ZMYM3: variants seen among roughly 807,000 people sequenced by gnomAD.
The protein encoded by ZMYM3 is zinc finger MYM-type protein 3.
In ZMYM3, 6 loss-of-function variants were observed where a neutral mutation model predicts 94.2. The ratio of observed to expected loss-of-function variants is 0.06; its 90% CI spans 0.03 to 0.13. The LOEUF is 0.13. Among genes scored for constraint, ZMYM3 ranks in the 10% least tolerant of loss-of-function variants. The probability of loss-of-function intolerance (pLI) is 1.00; values close to 1 mark genes in which losing one functional copy is unlikely to be tolerated. For synonymous variants in ZMYM3, 420 were observed against 426.5 expected, an observed-to-expected ratio of 0.98 and a Z score of 0.19; for missense variants, 664 against 1,132.6, an observed-to-expected ratio of 0.59 and a Z score of 5.94.
At chrX:71,248,110 A>C (rs1274000343) in intron 11 of ZMYM3, 52 bp downstream of exon 11, 1 of 1,198,826 alleles carries the variant, frequency 8.3e-7, no homozygotes, top group East Asian at 3.0e-5. Context: ...CTTCTCCTCC[A>C]TTCTCCCTGG....
chrX:71,245,127 T>TAAAAAAAAAAAAA (rs5902685), intron 18 of ZMYM3, among the ~76,000 whole-genome samples: 5 of 42,622 alleles, frequency 1.2e-4, no homozygotes, highest in Non-Finnish European at 1.8e-4. Context: ...GCTTAAAAAT[T>TAAAAAAAAAAAAA]AAAAAAAAAA....
intron 19 of ZMYM3, 22 bp from the exon 20 acceptor site, chrX:71,244,492 G>C (rs199974721): frequency 1.1e-5 from 13 of 1,206,068 alleles, no homozygotes; most frequent in Non-Finnish European, 1.5e-5. Flanking sequence ...GAGAAAGCAG[G>C]GGCATGGCAG....
In ZMYM3 at chrX:71,253,101, G is replaced by A; in HGVS notation, c.155C>T (p.Pro52Leu). 8.3e-7 allele frequency: 1 copy of A among 1,203,127 alleles called. No homozygotes were observed. The highest frequency in any genetic ancestry group is 1.1e-6 in the Non-Finnish European group (1 of 891,021). The stretch of plus-strand genomic sequence containing the variant: ...AAGCAGGTCCAGGGCTCCCGAGGAT[G>A]GAGAAGGGCCAGGGGGGGCCCATCC... ...TRGWAPPGPS[P>L]SSGALDLLDT... The change falls in exon 2 of 25, where the codon CCA becomes CTA. Residue 52 changes from proline to leucine, a missense_variant. By Grantham distance (98) the Pro-to-Leu change is moderately conservative. Around this residue, in one of 9 missense-constraint regions of ZMYM3, gnomAD observed 196 missense variants for 190.8 expected, o/e 1.03. Transcript: ENST00000314425.
chrX:71,240,319 G>C lies in ZMYM3; in HGVS notation c.*597C>G, dbSNP rs1435704461. ...GATTGGTGCTTGCCGAGGGGGTGAGGGATATGCGGTGGTGAGATGGTGCCA... is the reference window on the plus strand; with the variant it reads ...GATTGGTGCTTGCCGAGGGGGTGAGCGATATGCGGTGGTGAGATGGTGCCA... On this transcript the variant is annotated 3_prime_UTR_variant, in exon 25 of 25. Coordinates refer to ENST00000314425, the MANE Select transcript of ZMYM3 (RefSeq NM_201599.3). The C allele has an allele frequency of 1.8e-5, 2 of 111,999 alleles. No homozygotes were observed. The highest frequency in any genetic ancestry group is 3.8e-5 in the Non-Finnish European group (2 of 53,090). 9.2% of individuals were successfully genotyped at this position (111,999 alleles called of 1,213,427 possible). A position where few individuals can be genotyped will look rare whatever the true frequency, so the allele number is the denominator to read the frequency against.
At chrX:71,251,510 C>A (rs776430775) in intron 3 of ZMYM3, 48 bp downstream of exon 3, 2 of 1,163,641 alleles carry the variant, frequency 1.7e-6, no homozygotes, top group Non-Finnish European at 2.3e-6. Context: ...GTCTGTCCTT[C>A]CCAGAGCTAA....
Position 71,250,448 on chromosome X carries a change from A to C in ZMYM3, c.1057T>G (p.Cys353Gly), listed in dbSNP as rs774247676. 1 of 1,209,741 alleles carries C rather than the reference A, an allele frequency of 8.3e-7. No individual in the cohort carries two copies. The highest frequency in any genetic ancestry group is 1.1e-6 in the Non-Finnish European group (1 of 894,467). The change falls in exon 5 of 25, where the codon TGT becomes GGT. Residue 353 changes from cysteine (C) to glycine (G), a missense_variant. By Grantham distance (159) the Cys-to-Gly change is radical. This residue lies in a region of ZMYM3 where 51 missense variants were observed against 53.0 expected (regional missense o/e 0.96). Coordinates refer to ENST00000314425, the MANE Select transcript of ZMYM3 (RefSeq NM_201599.3). ...CTCACGCACTTCTTGCAGAAGGTAC[A>C]GGTCTTTTTGCCCGAGGGCTTCTTG... is the stretch of plus-strand genomic sequence containing the variant. ...FSKKPSGKKT[C>G]TFCKKEIWNT...
upstream of ZMYM3, chrX:71,255,152 ATC>A (rs907425899): frequency 1.7e-4 from 3 of 17,177 alleles, no homozygotes; most frequent in Non-Finnish European, 1.2e-4. Flanking sequence ...CTCTCTCTGT[ATC>A]TCTCTCTCTC....
chrX:71,249,487 T>C lies in ZMYM3; in HGVS notation c.1444A>G (p.Thr482Ala). 8.3e-7 allele frequency: 1 copy of C among 1,198,619 alleles called. No individual in the cohort carries two copies. Among genetic ancestry groups the C allele is most frequent in the Non-Finnish European group, 1.1e-6 (1 of 888,495 alleles). ...TTCTTGTACGCCCCCAAGCAGGTTGTGTTGCAGAACCGCTTTTGTTGGCCC... is the reference window on the plus strand; with the variant it reads ...TTCTTGTACGCCCCCAAGCAGGTTGCGTTGCAGAACCGCTTTTGTTGGCCC... ...HEGQQKRFCN[T>A]TCLGAYKKKN... is the part of the protein sequence containing the mutation. The change falls in exon 7 of 25, where the codon ACA becomes GCA. Residue 482 changes from threonine (T) to alanine (A), a missense_variant. Thr to Ala is a moderately conservative substitution (Grantham distance 58, BLOSUM62 0). This residue lies in a region of ZMYM3 where 159 missense variants were observed against 313.0 expected (regional missense o/e 0.51). Transcript: ENST00000314425.
chrX:71,253,868 T>C (rs2030634049), intron 1 of ZMYM3, among the ~76,000 whole-genome samples, 161 bp downstream of exon 1: 1 of 83,272 alleles, frequency 1.2e-5, no homozygotes, highest in South Asian at 7.6e-4. Flanking sequence ...CCATTGCTCC[T>C]CCAGTCCTCC....
intron 23 of ZMYM3, among the ~76,000 whole-genome samples, chrX:71,241,884 T>C (rs1304771414): frequency 5.4e-5 from 6 of 111,355 alleles, no homozygotes; most frequent in Admixed American, 2.9e-4. Context: ...ACACACCCAA[T>C]GGTTTCCTAC....
chrX:71,252,660 A>C lies in ZMYM3; in HGVS notation c.596T>G (p.Leu199Arg). ...APPSPSVGET[L>R]GDGINSSQTK... ...CTGAGAACTGTTGATTCCATCCCCC[A>C]GAGTCTCTCCCACTGAAGGGCTAGG... The change falls in exon 2 of 25, where the codon CTG becomes CGG. Residue 199 changes from leucine to arginine, a missense_variant. This residue lies in a region of ZMYM3 where 196 missense variants were observed against 190.8 expected (regional missense o/e 1.03). Coordinates refer to ENST00000314425, the MANE Select transcript of ZMYM3 (RefSeq NM_201599.3). 1.7e-6 allele frequency: 2 copies of C among 1,172,128 alleles called. No homozygotes were observed. Among genetic ancestry groups the C allele is most frequent in the East Asian group, 3.0e-5 (1 of 33,573 alleles).
At chrX:71,251,717 C>T in intron 2 of ZMYM3, 116 bp from the exon 3 acceptor site, 1 of 1,070,371 alleles carries the variant, frequency 9.3e-7, no homozygotes, top group Non-Finnish European at 1.2e-6. Context: ...AAAGGGAAAA[C>T]TCGAGTGCCT....
rs1211188120 is a variant in ZMYM3, at chrX:71,242,255, C to T, written c.3717G>A (p.Gln1239=). 2 of 1,209,858 alleles carry T rather than the reference C, an allele frequency of 1.7e-6. No individual in the cohort carries two copies. The highest frequency in any genetic ancestry group is 3.5e-5 in the South Asian group (2 of 56,442). Residue 1239 remains glutamine, a synonymous_variant, in exon 23 of 25, where the codon CAG becomes CAA. Transcript: ENST00000314425. ...MQLSFTNVVR[Q]SRKCTTPRGT... is the part of the protein sequence containing the mutation. ...CCCGAGGGGTGGTACACTTGCGGGA[C>T]TGCCGCACCACATTGGTGAAGGAGA...
intron 22 of ZMYM3, 54 bp downstream of exon 22, chrX:71,242,916 T>C (rs1019257828): frequency 6.4e-6 from 7 of 1,088,955 alleles, no homozygotes; most frequent in Non-Finnish European, 8.9e-6. Context: ...CTCGGGATGG[T>C]GGATTGGAAG....
intron 8 of ZMYM3, 43 bp from the exon 9 acceptor site, chrX:71,248,844 G>C (rs2030311482): frequency 1.8e-6 from 2 of 1,107,204 alleles, no homozygotes; most frequent in Non-Finnish European, 2.4e-6. Flanking sequence ...GAGAAAGAGA[G>C]AGGGAGAGAG....
At chrX:71,244,622 T>C in intron 19 of ZMYM3, 152 bp from the exon 20 acceptor site, 1 of 833,917 alleles carries the variant, frequency 1.2e-6, no homozygotes, top group East Asian at 3.4e-5. Flanking sequence ...ACAGCTTTGA[T>C]GACCTTGTGA....
At chrX:71,245,278 C>T in intron 18 of ZMYM3, 61 bp downstream of exon 18, 1 of 1,178,531 alleles carries the variant, frequency 8.5e-7, no homozygotes, top group Non-Finnish European at 1.1e-6. Context: ...ACAAGGGACA[C>T]TCCCTTCCTG....
At position 71,245,781 on chromosome X, in the gene ZMYM3, A is replaced by G; in HGVS notation, c.2747T>C (p.Ile916Thr). 1 of 1,211,438 alleles carries G rather than the reference A, an allele frequency of 8.3e-7. No individual in the cohort carries two copies. Among genetic ancestry groups the G allele is most frequent in the Non-Finnish European group, 1.1e-6 (1 of 895,469 alleles). ...LESTDKIVET[I>T]EELKVKIPSN... The stretch of plus-strand genomic sequence containing the variant: ...AGGGATCTTCACCTTCAGCTCCTCA[A>G]TGGTCTCTACAATCTTGTCTGTGCT... The change falls in exon 17 of 25, where the codon ATT becomes ACT. Residue 916 changes from isoleucine to threonine, a missense_variant. By Grantham distance (89) the Ile-to-Thr change is moderately conservative. Coordinates refer to ENST00000314425, the MANE Select transcript of ZMYM3 (RefSeq NM_201599.3).
chrX:71,245,384 C>T lies in ZMYM3; in HGVS notation c.2962G>A (p.Val988Ile), dbSNP rs1247850470. The change falls in exon 18 of 25, where the codon GTC (valine) becomes ATC (isoleucine). Residue 988 changes from valine (V) to isoleucine (I), a missense_variant. Val to Ile is a conservative substitution (Grantham distance 29). Coordinates refer to ENST00000314425, the MANE Select transcript of ZMYM3 (RefSeq NM_201599.3). ...VLAMAVKMAN[V>I]LDEPGQDLEA... ...AAGTCTTGCCCAGGCTCATCCAAGA[C>T]ATTGGCCATCTTGACTGCCATGGCC... 2 of 1,211,840 alleles carry T rather than the reference C, an allele frequency of 1.7e-6. No homozygotes were observed. The highest frequency in any genetic ancestry group is 2.2e-6 in the Non-Finnish European group (2 of 895,577).
Sources: gnomAD v4.1 joint callset for allele counts (sites outside exome capture counted in the v4.1 genomes callset) on GRCh38, gnomAD v4.1.1 for gene constraint, gnomAD v4.1.1 regional missense constraint, MANE v1.5 for transcripts, NCBI Gene and HGNC (gene_info 2026-07-23, HGNC 2026-07-21) for gene names.